DDX17: variants seen among roughly 807,000 people sequenced by gnomAD.
DDX17 encodes the protein probable ATP-dependent RNA helicase DDX17.
A neutral mutation model predicts 80.8 loss-of-function variants in DDX17; 10 were observed. The ratio of observed to expected loss-of-function variants is 0.12; its 90% CI spans 0.08 to 0.21. DDX17 has a LOEUF of 0.21. Among genes scored for constraint, DDX17 ranks in the 10% least tolerant of loss-of-function variants. The pLI is 1.00. For synonymous variants in DDX17, 339 were observed against 336.2 expected (o/e 1.01, Z -0.09); for missense variants, 586 against 957.4 (o/e 0.61, Z 5.12).
intron 1 of DDX17, 122 bp from the exon 2 acceptor site, chr22:38,501,402 A>T: frequency 1.7e-6 from 2 of 1,168,536 alleles, no homozygotes; most frequent in Non-Finnish European, 2.3e-6. Flanking sequence ...CAAAAAGACC[A>T]TTTTATTTGC....
In DDX17 at chr22:38,495,063, A is replaced by G; in HGVS notation, c.881-17T>C. On this transcript the variant is annotated splice_polypyrimidine_tract_variant and intron_variant, in intron 6 of 12. Transcript: ENST00000403230. Reference sequence around the variant, plus strand: ...TCTCAACACCTGTAAAACAAAACCAATGATCGAGCCAATCGACTAGGTGCA... The same window carrying G: ...TCTCAACACCTGTAAAACAAAACCAGTGATCGAGCCAATCGACTAGGTGCA... 1 of 1,608,464 alleles carries G rather than the reference A, an allele frequency of 6.2e-7. No individual in the cohort carries two copies. The highest frequency in any genetic ancestry group is 8.5e-7 in the Non-Finnish European group (1 of 1,177,770).
At chr22:38,493,964 T>C (rs901636924) in intron 9 of DDX17, 57 bp downstream of exon 9, 59 of 1,431,614 alleles carry the variant, frequency 4.1e-5, no homozygotes, top group East Asian at 3.0e-4. Flanking sequence ...AATACCAATT[T>C]AGAAATTTCC....
intron 11 of DDX17, 27 bp from the exon 12 acceptor site, chr22:38,488,142 G>A (rs1569137271): frequency 1.9e-6 from 3 of 1,613,004 alleles, no homozygotes; most frequent in Non-Finnish European, 2.5e-6. Context: ...GAGTCAGTGT[G>A]TAGGTTGATG....
At chr22:38,488,484 A>G (rs2089683750) in intron 11 of DDX17, 6 of 1,104,956 alleles carry the variant, frequency 5.4e-6, no homozygotes, top group Non-Finnish European at 6.7e-6. Flanking sequence ...AACATAGAAC[A>G]AAGTGGTAAA....
chr22:38,490,942 T>G (rs929015953), intron 11 of DDX17: 4 of 155,860 alleles, frequency 2.6e-5, no homozygotes, highest in African/African-American at 9.6e-5. Flanking sequence ...GGAGCAAATA[T>G]TTTTAATTGT....
rs763633062 is a variant in DDX17, at chr22:38,486,190, A to G, written c.1935T>C (p.Tyr645=). The stretch of plus-strand genomic sequence containing the variant: ...CTTGAGCTGTATAGCTACTGGTGCC[A>G]TAAGCAGCTGCCCCATAGGTGCCTT... Residue 645 remains tyrosine, a synonymous_variant, in exon 13 of 13, where the codon TAT becomes TAC. Coordinates refer to ENST00000403230, the MANE Select transcript of DDX17 (RefSeq NM_006386.5). The G allele has an allele frequency of 8.1e-6, 13 of 1,613,988 alleles. No homozygotes were observed. The highest frequency in any genetic ancestry group is 3.3e-4 in the Middle Eastern group (2 of 6,082).
chr22:38,487,861 T>G lies in DDX17; in HGVS notation c.1684+18A>C. ...GATACCTTGGCAGTACCTGGAAAAC[T>G]CCAGGACTTACCCTTACCCCCGCCT... On this transcript the variant is annotated intron_variant, in intron 12 of 12. Coordinates refer to ENST00000403230, the MANE Select transcript of DDX17 (RefSeq NM_006386.5). 6.2e-7 allele frequency: 1 copy of G among 1,613,782 alleles called. No individual in the cohort carries two copies. Among genetic ancestry groups the G allele is most frequent in the South Asian group, 1.1e-5 (1 of 91,066 alleles).
Position 38,487,979 on chromosome 22 carries a change from T to A in DDX17, c.1584A>T (p.Lys528Asn). ...GCACTTTGATAAGCTCTCTGGCCTG[T>A]TTTAGGTTCCCTGGGGTGAAGAAGG... Residue 528 changes from lysine to asparagine, a missense_variant, in exon 12 of 13, where the codon AAA becomes AAT. Physicochemically the swap from Lys to Asn is moderately conservative, Grantham distance 94 (BLOSUM62 0). Transcript: ENST00000403230. 6.2e-7 allele frequency: 1 copy of A among 1,614,198 alleles called. No homozygotes were observed. Among genetic ancestry groups the A allele is most frequent in the Non-Finnish European group, 8.5e-7 (1 of 1,180,040 alleles).
At chr22:38,496,109 GA>G (rs925690162) in intron 5 of DDX17, among the ~76,000 whole-genome samples, 172 bp from the exon 6 acceptor site, 10 of 151,940 alleles carry the variant, frequency 6.6e-5, no homozygotes, top group Non-Finnish European at 1.3e-4. Context: ...ATGGAATATA[GA>G]AAAAAATTAT....
At chr22:38,505,157 C>T (rs1021646215) in intron 1 of DDX17, 4 of 152,448 alleles carry the variant, frequency 2.6e-5, no homozygotes, top group African/African-American at 9.6e-5. Context: ...GATCCGCCCG[C>T]CTCGGCCTCC....
rs1019982705 is a variant in DDX17 at position 38,489,212 on chromosome 22, CTGTT to C, written c.1448-1101_1448-1098del. The C allele has an allele frequency of 9.1e-6, 9 of 985,668 alleles. No individual in the cohort carries two copies. The highest frequency in any genetic ancestry group is 5.2e-5 in the African/African-American group (3 of 57,212). The allele number at this position is 985,668 out of a possible 1,614,324, so 61.1% of individuals were successfully genotyped here. On this transcript the variant is annotated intron_variant, in intron 11 of 12. Transcript: ENST00000403230. This position sits in a 1 kb window ranked among gnomAD's most constrained non-coding sequence, Gnocchi z 4.6. ...GATATAAATAATTAAAAAACATTCT[CTGTT>C]TGTTACCAGACCGATGCACACTCCC...
Position 38,506,232 on chromosome 22 carries a change from G to A in DDX17, c.6C>T (p.Pro2=). The change falls in exon 1 of 13, where the codon CCC becomes CCT. Residue 2 remains proline (P), a synonymous_variant. Coordinates refer to ENST00000403230, the MANE Select transcript of DDX17 (RefSeq NM_006386.5). Reference sequence around the variant, plus strand: ...AGAGAATCGGGGCTACAAAGCCGGTGGGCAGGTTTGGCTACGCTCAAACCG... The same window carrying A: ...AGAGAATCGGGGCTACAAAGCCGGTAGGCAGGTTTGGCTACGCTCAAACCG... The A allele has an allele frequency of 6.2e-7, 1 of 1,603,210 alleles. No homozygotes were observed. Among genetic ancestry groups the A allele is most frequent in the Non-Finnish European group, 8.5e-7 (1 of 1,175,678 alleles).
intron 3 of DDX17, among the ~76,000 whole-genome samples, chr22:38,498,777 C>G (rs1441609173): frequency 6.6e-6 from 1 of 152,322 alleles, no homozygotes; most frequent in East Asian, 1.9e-4. Flanking sequence ...GTAATCCCAT[C>G]ACTTTGGGAG....
chr22:38,487,790 C>T (rs1239331509), intron 12 of DDX17, 89 bp downstream of exon 12: 2 of 1,363,052 alleles, frequency 1.5e-6, no homozygotes, highest in Non-Finnish European at 2.1e-6. Context: ...TACTTACAGC[C>T]TTCTTAAAAA....
At chr22:38,501,026 C>A (rs183369159) in intron 2 of DDX17, 104 bp downstream of exon 2, 2 of 1,376,536 alleles carry the variant, frequency 1.5e-6, no homozygotes, top group South Asian at 1.5e-5. Flanking sequence ...TATCACCACA[C>A]TAGAATAAAA....
chr22:38,499,976 C>A (rs573648369), intron 2 of DDX17, among the ~76,000 whole-genome samples: 1 of 150,626 alleles, frequency 6.6e-6, no homozygotes, highest in Non-Finnish European at 1.5e-5. Flanking sequence ...ACCAGCCTGG[C>A]CAACATGGTG....
rs765916947 is a variant in DDX17 at position 38,493,690 on chromosome 22, A to G, written c.1387+20T>C. 1 of 1,594,206 alleles carries G rather than the reference A, an allele frequency of 6.3e-7. No homozygotes were observed. Among genetic ancestry groups the G allele is most frequent in the Non-Finnish European group, 8.6e-7 (1 of 1,162,026 alleles). ...GCAGGGGGTGGGGAATCAACAGAAA[A>G]TGCTTAGTTTTAAACTTACCATTAA... On this transcript the variant is annotated intron_variant, in intron 10 of 12. Coordinates refer to ENST00000403230, the MANE Select transcript of DDX17 (RefSeq NM_006386.5).
In DDX17 at chr22:38,483,610, A is replaced by C. The variant is rs1018054451; in HGVS notation, c.*2325T>G. ...TGCAACAGGAATGTGTCTGGAGACC[A>C]GCAAGAACATCAATAGAGAGCACTG... On this transcript the variant is annotated 3_prime_UTR_variant, in exon 13 of 13. Coordinates refer to ENST00000403230, the MANE Select transcript of DDX17 (RefSeq NM_006386.5). The C allele has an allele frequency of 6.5e-6, 1 of 152,672 alleles. No homozygotes were observed. Among genetic ancestry groups the C allele is most frequent in the African/African-American group, 2.4e-5 (1 of 41,464 alleles). The allele number at this position is 152,672 out of a possible 1,614,324, so 9.5% of individuals were successfully genotyped here. A position where few individuals can be genotyped will look rare whatever the true frequency, so the allele number is the denominator to read the frequency against.
At chr22:38,497,264 C>A (rs1382335978) in intron 5 of DDX17, among the ~76,000 whole-genome samples, 2 of 124,686 alleles carry the variant, frequency 1.6e-5, no homozygotes, top group African/African-American at 6.3e-5. Flanking sequence ...CCAATGTACT[C>A]CAGCGTGGGC....
Sources: gnomAD v4.1 joint callset for allele counts (sites outside exome capture counted in the v4.1 genomes callset) on GRCh38, gnomAD v4.1.1 for gene constraint, Gnocchi (gnomAD v3.1) non-coding constraint, MANE v1.5 for transcripts, NCBI Gene and HGNC (gene_info 2026-07-23, HGNC 2026-07-21) for gene names.